Variants in LPP observed in about 807,000 individuals in gnomAD.
LPP encodes LIM domain containing preferred translocation partner in lipoma, also known as lipoma-preferred partner.
Under a neutral mutation model 60.4 loss-of-function variants are expected in LPP, and 38 were observed. That is an observed-to-expected ratio of 0.63 (90% CI 0.49 to 0.83). The LOEUF (loss-of-function observed/expected upper bound fraction) is 0.83, where lower values mean the gene tolerates loss of function less well. LPP is among the 40% of genes least tolerant of loss of function. The pLI is 0.00. For missense variants in LPP, 902 were observed against 783.6 expected, an observed-to-expected ratio of 1.15 and a Z score of -1.80; for synonymous variants, 328 against 290.8, an observed-to-expected ratio of 1.13 and a Z score of -1.30.
At chr3:188,462,441 T>C (rs929935867) in intron 4 of LPP, among the ~76,000 whole-genome samples, 7 of 149,554 alleles carry the variant, frequency 4.7e-5, no homozygotes, top group African/African-American at 1.7e-4. Context: ...TGCATTAGCA[T>C]ATTTAGCCAA....
intron 2 of LPP, among the ~76,000 whole-genome samples, chr3:188,284,759 G>T (rs186702905): frequency 1.3e-5 from 2 of 152,160 alleles, no homozygotes; most frequent in Non-Finnish European, 2.9e-5. Context: ...TAATGACTGC[G>T]AGAGACAAAA....
intron 9 of LPP, among the ~76,000 whole-genome samples, chr3:188,864,041 T>A (rs1302681174): frequency 6.6e-6 from 1 of 151,824 alleles, no homozygotes; most frequent in Non-Finnish European, 1.5e-5. Context: ...TAGCTCACAT[T>A]GTCAGGGTAG....
chr3:188,172,805 A>G (rs1047710229), intron 1 of LPP, among the ~76,000 whole-genome samples: 3 of 152,226 alleles, frequency 2.0e-5, no homozygotes, highest in African/African-American at 7.2e-5. Context: ...TTTCTGTTCC[A>G]AGATCTAGTC....
intron 2 of LPP, among the ~76,000 whole-genome samples, chr3:188,321,521 G>C (rs1273219888): frequency 6.6e-6 from 1 of 152,112 alleles, no homozygotes; most frequent in African/African-American, 2.4e-5. Flanking sequence ...ATTAAAAGGA[G>C]AAGCTTCAAC....
intron 6 of LPP, among the ~76,000 whole-genome samples, chr3:188,550,714 G>A (rs1827904673): frequency 6.6e-6 from 1 of 152,062 alleles, no homozygotes. Flanking sequence ...CTGGCTTTAG[G>A]TTGCTGGTTA....
At chr3:188,263,529 G>A (rs537741071) in intron 2 of LPP, among the ~76,000 whole-genome samples, 38 of 152,264 alleles carry the variant, frequency 2.5e-4, no homozygotes, top group East Asian at 1.2e-3. Flanking sequence ...TAGTTGTTAT[G>A]AGCCACACCT....
At chr3:188,390,514 T>C (rs997114818) in intron 3 of LPP, among the ~76,000 whole-genome samples, 1 of 151,806 alleles carries the variant, frequency 6.6e-6, no homozygotes, top group Admixed American at 6.6e-5. Flanking sequence ...GTCTCCATTT[T>C]ACAGGTGAGG....
At chr3:188,206,541 G>A (rs1462702002) in intron 1 of LPP, among the ~76,000 whole-genome samples, 2 of 152,196 alleles carry the variant, frequency 1.3e-5, no homozygotes, top group Admixed American at 1.3e-4. Context: ...CTGATCCCAA[G>A]GATCTAATGG....
chr3:188,428,592 A>ATT (rs1239973969), intron 4 of LPP, among the ~76,000 whole-genome samples: 360 of 63,950 alleles, frequency 5.6e-3, no homozygotes, highest in South Asian at 0.011. Flanking sequence ...ATATATATAT[A>ATT]TATATTTTTT....
intron 7 of LPP, among the ~76,000 whole-genome samples, chr3:188,613,405 G>C (rs952077647): frequency 2.0e-5 from 3 of 151,966 alleles, no homozygotes; most frequent in Non-Finnish European, 4.4e-5. Context: ...CTGGAAGCTA[G>C]TCACAACTCT....
intron 7 of LPP, among the ~76,000 whole-genome samples, chr3:188,674,476 A>G (rs1461266064): frequency 6.6e-6 from 1 of 152,166 alleles, no homozygotes; most frequent in Non-Finnish European, 1.5e-5. Context: ...GCATACCACA[A>G]TGTAACTTAC....
intron 4 of LPP, among the ~76,000 whole-genome samples, chr3:188,407,795 T>TTTTTTTTTTTTTG (rs1560364608): frequency 2.9e-5 from 4 of 137,460 alleles, no homozygotes; most frequent in South Asian, 2.4e-4. Context: ...TTTGTTTTTT[T>TTTTTTTTTTTTTG]TTTTTTTTTT....
At position 188,760,218 on chromosome 3, in the gene LPP, A is replaced by G. The variant is rs549736678; in HGVS notation, c.1346A>G (p.Asn449Ser). Reference protein sequence around the residue: ...VDCFTCIICNNKLRGQPFYAV... With the variant: ...VDCFTCIICNSKLRGQPFYAV... The stretch of plus-strand genomic sequence containing the variant: ...TGTTTTACCTGCATCATCTGCAACA[A>G]CAAGCTCCGAGGGCAGCCATTCTAT... The change falls in exon 9 of 12, where the codon AAC (asparagine) becomes AGC (serine). Residue 449 changes from asparagine (N) to serine (S), a missense_variant. Coordinates refer to ENST00000617246, the MANE Select transcript of LPP (RefSeq NM_001375462.1). 8.7e-6 allele frequency: 14 copies of G among 1,614,134 alleles called. No individual in the cohort carries two copies. Among genetic ancestry groups the G allele is most frequent in the South Asian group, 7.7e-5 (7 of 91,080 alleles).
intron 4 of LPP, among the ~76,000 whole-genome samples, chr3:188,442,845 T>C (rs1053117375): frequency 3.1e-4 from 47 of 152,304 alleles, no homozygotes; most frequent in African/African-American, 1.0e-3. Context: ...GGTTTCGTCT[T>C]GAGAATGTCA....
intron 9 of LPP, among the ~76,000 whole-genome samples, chr3:188,786,785 G>A (rs1742065559): frequency 6.6e-6 from 1 of 152,148 alleles, no homozygotes. Context: ...CAACACCTTG[G>A]GTGAATCTCA....
At position 188,549,707 on chromosome 3, in the gene LPP, A is replaced by G. The variant is rs1376895898; in HGVS notation, c.429+24920A>G. 2.0e-5 allele frequency among the ~76,000 whole-genome samples: 3 copies of G among 152,228 alleles called. No homozygotes were observed. The East Asian group carries it at 5.8e-4, about 29-fold the overall frequency. The stretch of plus-strand genomic sequence containing the variant: ...GTTTACCTGAGACTGAGTAGCACAG[A>G]GGTCTCCACTACCACTCATTTCCCT... On this transcript the variant is annotated intron_variant, in intron 6 of 11. Coordinates refer to ENST00000617246, the MANE Select transcript of LPP (RefSeq NM_001375462.1).
chr3:188,709,928 A>G (rs534856828), intron 8 of LPP: 5 of 152,318 alleles, frequency 3.3e-5, no homozygotes, highest in South Asian at 4.1e-4. Context: ...TTTTTATACT[A>G]GTTTCTAAAT....
chr3:188,512,643 C>T (rs1240477531), intron 5 of LPP, among the ~76,000 whole-genome samples: 1 of 151,992 alleles, frequency 6.6e-6, no homozygotes, highest in Non-Finnish European at 1.5e-5. Context: ...TGCTTTATAT[C>T]TCTGAGTACA....
intron 1 of LPP, among the ~76,000 whole-genome samples, 113 bp downstream of exon 1, chr3:188,154,365 C>T (rs532687018): frequency 1.3e-5 from 2 of 152,216 alleles, no homozygotes; most frequent in South Asian, 4.1e-4. Flanking sequence ...AGGGCGCGCG[C>T]CCTGCTCTGG....
Sources: gnomAD v4.1 joint callset for allele counts (sites outside exome capture counted in the v4.1 genomes callset) on GRCh38, gnomAD v4.1.1 for gene constraint, MANE v1.5 for transcripts, NCBI Gene and HGNC (gene_info 2026-07-23, HGNC 2026-07-21) for gene names.